The following SGIP1 variants were observed in gnomAD, a reference collection of about 807,000 sequenced individuals.
SGIP1 encodes SH3-containing GRB2-like protein 3-interacting protein 1.
A neutral mutation model predicts 107.5 loss-of-function variants in SGIP1; 38 were observed. The observed-to-expected ratio is 0.35, with a 90% CI of 0.27 to 0.46. SGIP1 has a LOEUF of 0.46. SGIP1 is among the 20% of genes least tolerant of loss of function. The pLI is 1.00. For synonymous variants in SGIP1, 365 were observed against 366.1 expected (o/e 1.00, Z 0.03); for missense variants, 929 against 1,019.5 (o/e 0.91, Z 1.21).
In SGIP1 at chr1:66,748,711, A is replaced by G. The variant is rs2094585960; in HGVS notation, c.*5616A>G. Among the ~76,000 whole-genome samples the G allele has an allele frequency of 1.3e-5, 2 of 152,056 alleles. No individual in the cohort carries two copies. Among genetic ancestry groups the G allele is most frequent in the Admixed American group, 6.5e-5 (1 of 15,268 alleles). On this transcript the variant is annotated 3_prime_UTR_variant, in exon 25 of 25. Coordinates refer to ENST00000371037, the MANE Select transcript of SGIP1 (RefSeq NM_032291.4). ...TTAAATGTCCCGTAATGTTTTAAAGAAAAGAAGTAAAGTGTATTTGGGCTA... is the reference window on the plus strand; with the variant it reads ...TTAAATGTCCCGTAATGTTTTAAAGGAAAGAAGTAAAGTGTATTTGGGCTA...
intron 19 of SGIP1, among the ~76,000 whole-genome samples, chr1:66,728,706 C>A (rs553474595): frequency 6.6e-6 from 1 of 151,992 alleles, no homozygotes; most frequent in Non-Finnish European, 1.5e-5. Flanking sequence ...TCAACCTAAA[C>A]GGCCATCAAT....
chr1:66,541,594 T>G (rs150356145), intron 1 of SGIP1, among the ~76,000 whole-genome samples: 13 of 152,360 alleles, frequency 8.5e-5, no homozygotes, highest in Non-Finnish European at 1.8e-4. Context: ...TCTACTCACA[T>G]GTTTTTTGGT....
chr1:66,566,815 A>G (rs1293215434), intron 1 of SGIP1, among the ~76,000 whole-genome samples: 1 of 151,846 alleles, frequency 6.6e-6, no homozygotes, highest in Non-Finnish European at 1.5e-5. Context: ...TCTAGGTTTT[A>G]AGCCCCACAT....
At chr1:66,715,457 G>T (rs1490996558) in intron 18 of SGIP1, among the ~76,000 whole-genome samples, 1 of 152,004 alleles carries the variant, frequency 6.6e-6, no homozygotes, top group Non-Finnish European at 1.5e-5. Flanking sequence ...CATAGCTAGA[G>T]GATATGTTGT....
At chr1:66,665,916 T>C (rs2082436094) in intron 8 of SGIP1, 1 of 152,256 alleles carries the variant, frequency 6.6e-6, no homozygotes, top group African/African-American at 2.4e-5. Flanking sequence ...TCCCATTCTG[T>C]AGGTTGCCTG....
At chr1:66,549,330 A>T (rs2057038360) in intron 1 of SGIP1, among the ~76,000 whole-genome samples, 1 of 152,202 alleles carries the variant, frequency 6.6e-6, no homozygotes, top group Admixed American at 6.5e-5. Flanking sequence ...CTAGATGTAC[A>T]TAGTGAGCAA....
At chr1:66,649,748 A>AC (rs2078370207) in intron 7 of SGIP1, among the ~76,000 whole-genome samples, 3 of 18,722 alleles carry the variant, frequency 1.6e-4, no homozygotes, top group South Asian at 0.013. Context: ...GCACACACAC[A>AC]AAAAAAATAA....
Position 66,693,320 on chromosome 1 carries a change from A to C in SGIP1, c.1571-2114A>C, listed in dbSNP as rs181917193. Among the ~76,000 whole-genome samples the C allele has an allele frequency of 2.1e-4, 32 of 151,534 alleles. No individual in the cohort carries two copies. The East Asian group carries it at 3.5e-3, about 16-fold the overall frequency. On this transcript the variant is annotated intron_variant, in intron 17 of 24. Transcript: ENST00000371037. ...ATTTCTTTTGCACTAGTAAAAGCTCACAGGACCTCTACTATATGATTTGGG... is the reference window on the plus strand; with the variant it reads ...ATTTCTTTTGCACTAGTAAAAGCTCCCAGGACCTCTACTATATGATTTGGG...
intron 1 of SGIP1, among the ~76,000 whole-genome samples, chr1:66,602,419 G>A (rs1256044279): frequency 6.6e-6 from 1 of 152,112 alleles, no homozygotes; most frequent in African/African-American, 2.4e-5. Flanking sequence ...TGATCCACAT[G>A]TGACCATGAT....
At chr1:66,599,763 T>G (rs2065407489) in intron 1 of SGIP1, among the ~76,000 whole-genome samples, 1 of 152,198 alleles carries the variant, frequency 6.6e-6, no homozygotes, top group Non-Finnish European at 1.5e-5. Context: ...AACTTTAGGC[T>G]CCTGTAACCG....
intron 1 of SGIP1, among the ~76,000 whole-genome samples, chr1:66,548,104 G>A (rs992136730): frequency 3.9e-5 from 6 of 152,122 alleles, no homozygotes; most frequent in African/African-American, 1.4e-4. Context: ...GGATTCTGAA[G>A]CAATGGAAAG....
intron 1 of SGIP1, among the ~76,000 whole-genome samples, chr1:66,572,946 G>A (rs1387131395): frequency 1.3e-5 from 2 of 152,040 alleles, no homozygotes; most frequent in Non-Finnish European, 1.5e-5. Context: ...TCAAGTGAAA[G>A]GACCGAGTCA....
chr1:66,684,494 C>T (rs776550750), intron 15 of SGIP1, among the ~76,000 whole-genome samples: 2 of 152,172 alleles, frequency 1.3e-5, no homozygotes, highest in Non-Finnish European at 2.9e-5. Context: ...ACCACAAACC[C>T]AAAGACATTA....
chr1:66,681,799 G>GCCTC, intron 14 of SGIP1, 70 bp from the exon 15 acceptor site: 7 of 1,499,922 alleles, frequency 4.7e-6, no homozygotes, highest in Non-Finnish European at 6.3e-6. Flanking sequence ...TCCAGTCTTT[G>GCCTC]CCTCCCTCCC....
chr1:66,719,576 T>C (rs1160845566), intron 19 of SGIP1, among the ~76,000 whole-genome samples, 171 bp downstream of exon 19: 1 of 152,174 alleles, frequency 6.6e-6, no homozygotes, highest in Non-Finnish European at 1.5e-5. Flanking sequence ...GAATATTGAT[T>C]TCATGCTTTT....
chr1:66,695,267 A>AAAAAAAAAAAG, intron 17 of SGIP1, 167 bp from the exon 18 acceptor site: 1 of 1,329,046 alleles, frequency 7.5e-7, no homozygotes, highest in South Asian at 2.1e-5. Context: ...AAAAAAAAAA[A>AAAAAAAAAAAG]AAAAGTGTAG....
chr1:66,720,292 C>T (rs1401673045), intron 19 of SGIP1, among the ~76,000 whole-genome samples: 2 of 152,166 alleles, frequency 1.3e-5, no homozygotes, highest in Non-Finnish European at 2.9e-5. Context: ...ACAACTAAGT[C>T]AGACTTATTT....
chr1:66,562,668 C>G (rs1002119556), intron 1 of SGIP1, among the ~76,000 whole-genome samples: 22 of 151,944 alleles, frequency 1.4e-4, no homozygotes, highest in African/African-American at 5.3e-4. Context: ...ATACTTTGGG[C>G]CTTCTTAGAT....
intron 2 of SGIP1, among the ~76,000 whole-genome samples, chr1:66,628,216 A>G (rs151209519): frequency 1.3e-5 from 2 of 152,102 alleles, no homozygotes; most frequent in East Asian, 1.9e-4. Flanking sequence ...ATACGTGTGC[A>G]TGTGTCTTTA....
Sources: allele counts gnomAD v4.1 joint callset (sites outside exome capture counted in the v4.1 genomes callset), GRCh38; gene constraint gnomAD v4.1.1; transcripts MANE v1.5; gene names NCBI Gene and HGNC (gene_info 2026-07-23, HGNC 2026-07-21).